MORN5: variants seen among roughly 807,000 people sequenced by gnomAD.
The protein encoded by MORN5 is MORN repeat-containing protein 5.
In MORN5, 21 loss-of-function variants were observed where a neutral mutation model predicts 22.1. The observed-to-expected ratio is 0.95, with a 90% CI of 0.67 to 1.37. The LOEUF is 1.37. MORN5 is among the 40% of genes most tolerant of loss of function. MORN5 has a pLI of 0.00. For synonymous variants in MORN5, 73 were observed against 74.0 expected, an observed-to-expected ratio of 0.99 and a Z score of 0.07; for missense variants, 211 against 215.1, an observed-to-expected ratio of 0.98 and a Z score of 0.12.
chr9:122,182,428 C>T (rs1829549722), intron 4 of MORN5, among the ~76,000 whole-genome samples: 1 of 152,230 alleles, frequency 6.6e-6, no homozygotes, highest in Non-Finnish European at 1.5e-5. Flanking sequence ...TGTGGAGGAT[C>T]CTTGCTAGGC....
At chr9:122,199,821 C>T in intron 4 of MORN5, 64 bp from the exon 5 acceptor site, 1 of 1,548,608 alleles carries the variant, frequency 6.5e-7, no homozygotes, top group Non-Finnish European at 8.9e-7. Flanking sequence ...CCTGGGGAAC[C>T]CCCCAGGCCA....
chr9:122,175,699 A>G, intron 4 of MORN5: 1 of 985,384 alleles, frequency 1.0e-6, no homozygotes, highest in African/African-American at 1.7e-5. Flanking sequence ...CTCTATAATG[A>G]GAAAGAAACT....
intron 4 of MORN5, among the ~76,000 whole-genome samples, chr9:122,190,624 CA>C (rs1829741607): frequency 6.6e-6 from 1 of 152,242 alleles, no homozygotes; most frequent in Admixed American, 6.5e-5. Context: ...GTGCTTGGCC[CA>C]GCCCTCCACC....
At chr9:122,187,535 G>A (rs1391477676) in intron 4 of MORN5, among the ~76,000 whole-genome samples, 1 of 152,210 alleles carries the variant, frequency 6.6e-6, no homozygotes, top group Non-Finnish European at 1.5e-5. Flanking sequence ...CCAGTGCAGG[G>A]CTAGAGGGAA....
intron 1 of MORN5, among the ~76,000 whole-genome samples, chr9:122,161,015 G>A (rs1196645546): frequency 6.6e-6 from 1 of 152,228 alleles, no homozygotes; most frequent in Non-Finnish European, 1.5e-5. Context: ...GATTCAGTGT[G>A]GTAAGAGCTG....
chr9:122,168,278 A>G (rs750500507), intron 2 of MORN5, among the ~76,000 whole-genome samples: 3 of 152,220 alleles, frequency 2.0e-5, no homozygotes, highest in Non-Finnish European at 4.4e-5. Context: ...CACTGCTACT[A>G]TCATTATAAC....
At chr9:122,192,071 C>T (rs565219642) in intron 4 of MORN5, among the ~76,000 whole-genome samples, 1 of 152,348 alleles carries the variant, frequency 6.6e-6, no homozygotes, top group African/African-American at 2.4e-5. Flanking sequence ...CTGGTGAAAC[C>T]TGCTACAAAG....
At chr9:122,169,512 C>G in intron 2 of MORN5, 133 bp from the exon 3 acceptor site, 2 of 647,480 alleles carry the variant, frequency 3.1e-6, no homozygotes, top group Non-Finnish European at 5.5e-6. Flanking sequence ...GTCGTCACAA[C>G]CATAATAATT....
At chr9:122,169,903 G>T in intron 3 of MORN5, 147 bp downstream of exon 3, 1 of 647,630 alleles carries the variant, frequency 1.5e-6, no homozygotes, top group Non-Finnish European at 2.7e-6. Flanking sequence ...GCCAGGTCCT[G>T]GAGCCAGGAA....
intron 4 of MORN5, among the ~76,000 whole-genome samples, chr9:122,175,913 G>C (rs1056980636): frequency 1.3e-5 from 2 of 152,028 alleles, no homozygotes; most frequent in Non-Finnish European, 2.9e-5. Context: ...AGGAGATCGA[G>C]ACCATCCTGG....
Position 122,168,537 on chromosome 9 carries a change from A to T in MORN5, c.196-1108A>T, listed in dbSNP as rs373351737. On this transcript the variant is annotated intron_variant, in intron 2 of 4. Coordinates refer to ENST00000373764, the MANE Select transcript of MORN5 (RefSeq NM_198469.4). ...GGAGAGTCTAAGCCCCAGGAAGGGG[A>T]TGTGACTTTCCCGAGGTCACACAGT... is the stretch of plus-strand genomic sequence containing the variant. 3.4e-4 allele frequency among the ~76,000 whole-genome samples: 52 copies of T among 152,256 alleles called. No individual in the cohort carries two copies. The South Asian group carries it at 9.8e-3, about 29-fold the overall frequency.
chr9:122,193,514 G>C (rs1026045811), intron 4 of MORN5, among the ~76,000 whole-genome samples: 2 of 152,248 alleles, frequency 1.3e-5, no homozygotes, highest in African/African-American at 4.8e-5. Flanking sequence ...GAACCCGGGA[G>C]GCGGGGGTTG....
At chr9:122,178,568 C>G (rs746185075) in intron 4 of MORN5, among the ~76,000 whole-genome samples, 2 of 152,170 alleles carry the variant, frequency 1.3e-5, no homozygotes, top group African/African-American at 4.8e-5. Flanking sequence ...CATACACATA[C>G]AAGCAAGGAG....
Position 122,187,890 on chromosome 9 carries a change from A to G in MORN5, c.440-11995A>G, listed in dbSNP as rs184078103. On this transcript the variant is annotated intron_variant, in intron 4 of 4. Coordinates refer to ENST00000373764, the MANE Select transcript of MORN5 (RefSeq NM_198469.4). The stretch of plus-strand genomic sequence containing the variant: ...AGCTATCCAGATGATGTCCTGGAAA[A>G]GGTGGAGTTTGGCTAGGCCTAAAAG... 6.6e-5 allele frequency among the ~76,000 whole-genome samples: 10 copies of G among 152,288 alleles called. No homozygotes were observed. In the East Asian group the frequency reaches 1.9e-3, roughly 29 times the overall value.
At chr9:122,166,280 T>TTTTATATATATATA (rs1554801518) in intron 1 of MORN5, among the ~76,000 whole-genome samples, 2 of 149,654 alleles carry the variant, frequency 1.3e-5, no homozygotes, top group African/African-American at 5.0e-5. Context: ...GTATCCAAGA[T>TTTTATATATATATA]TATATATATA....
At chr9:122,172,739 C>A (rs1322125015) in intron 3 of MORN5, among the ~76,000 whole-genome samples, 1 of 152,178 alleles carries the variant, frequency 6.6e-6, no homozygotes. Flanking sequence ...GTCTGGCATA[C>A]AGTGGGTACT....
chr9:122,181,792 G>A (rs1333291903), intron 4 of MORN5, among the ~76,000 whole-genome samples: 1 of 152,184 alleles, frequency 6.6e-6, no homozygotes, highest in South Asian at 2.1e-4. Context: ...GGGCATTGTG[G>A]TAGTACCTAT....
chr9:122,178,616 C>G (rs953641259), intron 4 of MORN5, among the ~76,000 whole-genome samples: 1 of 152,220 alleles, frequency 6.6e-6, no homozygotes, highest in African/African-American at 2.4e-5. Context: ...CTTTCTGTAA[C>G]TGGTCACAAG....
intron 4 of MORN5, among the ~76,000 whole-genome samples, chr9:122,188,261 G>T (rs755173468): frequency 6.6e-6 from 1 of 152,246 alleles, no homozygotes; most frequent in Non-Finnish European, 1.5e-5. Context: ...TCTGAAGACA[G>T]ACTTGGCTAT....
Sources: gnomAD v4.1 joint callset for allele counts (sites outside exome capture counted in the v4.1 genomes callset) on GRCh38, gnomAD v4.1.1 for gene constraint, MANE v1.5 for transcripts, NCBI Gene and HGNC (gene_info 2026-07-23, HGNC 2026-07-21) for gene names.